The following DDN variants were observed in gnomAD, a reference collection of about 807,000 sequenced individuals.
DDN encodes dendrin.
A neutral mutation model predicts 7.3 loss-of-function variants in DDN; 4 were observed. The observed-to-expected ratio is 0.55, with a 90% CI of 0.27 to 1.25. DDN has a LOEUF of 1.25. Ranked by LOEUF, DDN falls within the 50% of genes most tolerant of loss-of-function variation. The pLI, the probability that DDN is intolerant of heterozygous loss-of-function variation, is 0.12. For synonymous variants in DDN, 425 were observed against 424.3 expected (o/e 1.00, Z -0.02); for missense variants, 933 against 974.7 (o/e 0.96, Z 0.57).
Position 48,996,526 on chromosome 12 carries a change from C to G in DDN, c.*214G>C. 1.3e-6 allele frequency: 1 copy of G among 795,092 alleles called. No individual in the cohort carries two copies. Among genetic ancestry groups the G allele is most frequent in the Non-Finnish European group, 1.9e-6 (1 of 526,436 alleles). 49.3% of individuals were successfully genotyped at this position (795,092 alleles called of 1,614,324 possible). A position where few individuals can be genotyped will look rare whatever the true frequency, so the allele number is the denominator to read the frequency against. On this transcript the variant is annotated 3_prime_UTR_variant, in exon 2 of 2. Coordinates refer to ENST00000421952, the MANE Select transcript of DDN (RefSeq NM_015086.2). ...GCTCACCCTTGTGCCCTGAACATAA[C>G]AGACATTAATTAAATCTGCTCATTC...
rs775140751 is a variant in DDN at position 48,998,386 on chromosome 12, G to A, written c.490C>T (p.Arg164Trp). 4 of 1,494,464 alleles carry A rather than the reference G, an allele frequency of 2.7e-6. No homozygotes were observed. Among genetic ancestry groups the A allele is most frequent in the Admixed American group, 4.6e-5 (2 of 43,630 alleles). 92.6% of individuals were successfully genotyped at this position (1,494,464 alleles called of 1,614,324 possible). ...AQLAGLPAPL[R>W]PERLAPVGRA... ...CCCACAGGCGCCAGGCGCTCCGGCC[G>A]CAAGGGAGCAGGGAGCCCTGCCAGC... Residue 164 changes from arginine to tryptophan, a missense_variant, in exon 2 of 2, where the codon CGG (arginine) becomes TGG (tryptophan). By Grantham distance (101) the Arg-to-Trp change is moderately radical. Transcript: ENST00000421952.
Position 48,998,380 on chromosome 12 carries a change from C to T in DDN, c.496G>A (p.Glu166Lys). Residue 166 changes from glutamate (E) to lysine (K), a missense_variant, in exon 2 of 2, where the codon GAG becomes AAG. Physicochemically the swap from Glu to Lys is moderately conservative, Grantham distance 56. Coordinates refer to ENST00000421952, the MANE Select transcript of DDN (RefSeq NM_015086.2). ...LAGLPAPLRP[E>K]RLAPVGRAPR... ...GCTCGCCCCACAGGCGCCAGGCGCT[C>T]CGGCCGCAAGGGAGCAGGGAGCCCT... is the stretch of plus-strand genomic sequence containing the variant. The T allele has an allele frequency of 6.7e-7, 1 of 1,494,416 alleles. No individual in the cohort carries two copies. Among genetic ancestry groups the T allele is most frequent in the African/African-American group, 1.5e-5 (1 of 68,692 alleles). 92.6% of individuals were successfully genotyped at this position (1,494,416 alleles called of 1,614,324 possible).
chr12:48,997,055 G>A lies in DDN; in HGVS notation c.1821C>T (p.Tyr607=). ...GRGWARTPGP[Y]AGALREAVSR... ...ACACGGCTTCTCGCAGGGCCCCGGC[G>A]TAGGGCCCTGGGGTCCGCGCCCAGC... Residue 607 remains tyrosine (Y), a synonymous_variant, in exon 2 of 2, where the codon TAC becomes TAT. Transcript: ENST00000421952. The A allele has an allele frequency of 1.9e-6, 3 of 1,547,390 alleles. No homozygotes were observed. The highest frequency in any genetic ancestry group is 1.2e-5 in the South Asian group (1 of 81,540).
Position 48,998,306 on chromosome 12 carries a change from C to G in DDN, c.570G>C (p.Ala190=). Residue 190 remains alanine (A), a synonymous_variant, in exon 2 of 2, where the codon GCG becomes GCC. Transcript: ENST00000421952. ...CGGGCCGCCGACCTCCCCAGGGCCC[C>G]GCCCACGCCGACCCTGGGTCGCTCT... ...QPQSDPGSAW[A]GPWGGRRPGP... 1 of 1,583,440 alleles carries G rather than the reference C, an allele frequency of 6.3e-7. No homozygotes were observed. Among genetic ancestry groups the G allele is most frequent in the Non-Finnish European group, 8.6e-7 (1 of 1,168,198 alleles).
intron 1 of DDN, 26 bp downstream of exon 1, chr12:48,999,053 C>T: frequency 6.2e-7 from 1 of 1,613,052 alleles, no homozygotes; most frequent in Non-Finnish European, 8.5e-7. Flanking sequence ...CCACCACTCT[C>T]TTCCCCTCAC....
rs780683147 is a variant in DDN, at chr12:48,996,913, T to C, written c.1963A>G (p.Asn655Asp). Residue 655 changes from asparagine to aspartate, a missense_variant, in exon 2 of 2, where the codon AAT (asparagine) becomes GAT (aspartate). Coordinates refer to ENST00000421952, the MANE Select transcript of DDN (RefSeq NM_015086.2). ...CCAACCTCGGGCAGGGTCCTCTCAT[T>C]CCGCCAGGAGGCGCCCGGGGCTTCT... Reference protein sequence around the residue: ...DTEAPGASWRNERTLPEVGNS... With the variant: ...DTEAPGASWRDERTLPEVGNS... The C allele has an allele frequency of 4.3e-6, 7 of 1,611,428 alleles. No homozygotes were observed. The highest frequency in any genetic ancestry group is 5.1e-6 in the Non-Finnish European group (6 of 1,178,748).
Position 48,996,509 on chromosome 12 carries a change from T to G in DDN, c.*231A>C, listed in dbSNP as rs1179608170. The G allele has an allele frequency of 1.5e-6, 1 of 669,930 alleles. No individual in the cohort carries two copies. Among genetic ancestry groups the G allele is most frequent in the Non-Finnish European group, 2.3e-6 (1 of 426,450 alleles). 41.5% of individuals were successfully genotyped at this position (669,930 alleles called of 1,614,324 possible). ...ATCAGCCCCTGCGAAGAGCTCACCCTTGTGCCCTGAACATAACAGACATTA... is the reference window on the plus strand; with the variant it reads ...ATCAGCCCCTGCGAAGAGCTCACCCGTGTGCCCTGAACATAACAGACATTA... On this transcript the variant is annotated 3_prime_UTR_variant, in exon 2 of 2. Transcript: ENST00000421952.
rs1264844184 is a variant in DDN at position 48,998,081 on chromosome 12, G to C, written c.795C>G (p.Asp265Glu). The change falls in exon 2 of 2, where the codon GAC (aspartate) becomes GAG (glutamate). Residue 265 changes from aspartate (D) to glutamate (E), a missense_variant. Transcript: ENST00000421952. ...CCAGCCTCTTCTTTGTGCGCCCTCC[G>C]TCTGTCCTGGCTGGAGTCGCAGCTG... ...SAPAATPART[D>E]GGRTKKRLDP... The C allele has an allele frequency of 4.3e-6, 7 of 1,614,006 alleles. No individual in the cohort carries two copies. Among genetic ancestry groups the C allele is most frequent in the East Asian group, 4.5e-5 (2 of 44,876 alleles).
chr12:48,998,531 C>G lies in DDN; in HGVS notation c.345G>C (p.Ala115=). Residue 115 remains alanine, a synonymous_variant, in exon 2 of 2, where the codon GCG becomes GCC. Coordinates refer to ENST00000421952, the MANE Select transcript of DDN (RefSeq NM_015086.2). ...CCTTGGCCTCCCGCTCCTGCGACGC[C>G]GCTTTCCTTTTCTCTTGCTCCCGAG... ...VRAREQEKRK[A]ASQEREAKET... is the part of the protein sequence containing the mutation. 6.3e-7 allele frequency: 1 copy of G among 1,594,908 alleles called. No individual in the cohort carries two copies. Among genetic ancestry groups the G allele is most frequent in the East Asian group, 2.3e-5 (1 of 44,256 alleles).
Position 48,997,647 on chromosome 12 carries a change from G to C in DDN, c.1229C>G (p.Thr410Ser). The C allele has an allele frequency of 6.5e-7, 1 of 1,548,546 alleles. No homozygotes were observed. Among genetic ancestry groups the C allele is most frequent in the South Asian group, 1.2e-5 (1 of 81,490 alleles). The change falls in exon 2 of 2, where the codon ACC becomes AGC. Residue 410 changes from threonine (T) to serine (S), a missense_variant. Physicochemically the swap from Thr to Ser is moderately conservative, Grantham distance 58. Coordinates refer to ENST00000421952, the MANE Select transcript of DDN (RefSeq NM_015086.2). Reference sequence around the variant, plus strand: ...AAGACCCAGAGATTCTCTCCATCCGGTGCCTCCGGGAGCCCAGGGTCTGGG... The same window carrying C: ...AAGACCCAGAGATTCTCTCCATCCGCTGCCTCCGGGAGCCCAGGGTCTGGG... ...TLPRPWAPGG[T>S]GWRESLGLGE...
At position 48,996,971 on chromosome 12, in the gene DDN, G is replaced by A. The variant is rs200132328; in HGVS notation, c.1905C>T (p.Ser635=). 4.2e-5 allele frequency: 66 copies of A among 1,574,458 alleles called. No homozygotes were observed. The East Asian group carries it at 5.6e-4, about 13-fold the overall frequency. Reference sequence around the variant, plus strand: ...TTCCATCAGAGGAGCCGCTATGGACGCTGAGCTCCTCAGCTTCGTCCGTGT... The same window carrying A: ...TTCCATCAGAGGAGCCGCTATGGACACTGAGCTCCTCAGCTTCGTCCGTGT... The part of the protein sequence containing the change: ...DSDTDEAEEL[S]VHSGSSDGSD... Residue 635 remains serine (S), a synonymous_variant, in exon 2 of 2, where the codon AGC becomes AGT. Coordinates refer to ENST00000421952, the MANE Select transcript of DDN (RefSeq NM_015086.2).
rs1307228643 is a variant in DDN at position 48,997,295 on chromosome 12, G to T, written c.1581C>A (p.Arg527=). 1 of 1,608,704 alleles carries T rather than the reference G, an allele frequency of 6.2e-7. No homozygotes were observed. The highest frequency in any genetic ancestry group is 1.1e-5 in the South Asian group (1 of 90,758). Residue 527 remains arginine, a synonymous_variant, in exon 2 of 2, where the codon CGC becomes CGA. Coordinates refer to ENST00000421952, the MANE Select transcript of DDN (RefSeq NM_015086.2). ...GCCTCCCGCCCTCAGCTTCGCCCCCGCGGCCCCCGCCGGGCTGGTGTAAAA... is the reference window on the plus strand; with the variant it reads ...GCCTCCCGCCCTCAGCTTCGCCCCCTCGGCCCCCGCCGGGCTGGTGTAAAA... ...SRLLHQPGGG[R]GGEAEGGRPG...
Position 48,996,502 on chromosome 12 carries a change from C to G in DDN, c.*238G>C. The G allele has an allele frequency of 1.6e-6, 1 of 615,592 alleles. No homozygotes were observed. Among genetic ancestry groups the G allele is most frequent in the South Asian group, 2.4e-5 (1 of 42,314 alleles). The allele number at this position is 615,592 out of a possible 1,614,324, so 38.1% of individuals were successfully genotyped here. A position where few individuals can be genotyped will look rare whatever the true frequency, so the allele number is the denominator to read the frequency against. ...CCAGTGCATCAGCCCCTGCGAAGAG[C>G]TCACCCTTGTGCCCTGAACATAACA... On this transcript the variant is annotated 3_prime_UTR_variant, in exon 2 of 2. Coordinates refer to ENST00000421952, the MANE Select transcript of DDN (RefSeq NM_015086.2).
rs910536643 is a variant in DDN at position 48,997,565 on chromosome 12, G to A, written c.1311C>T (p.His437=). 7 of 1,597,912 alleles carry A rather than the reference G, an allele frequency of 4.4e-6. No homozygotes were observed. Among genetic ancestry groups the A allele is most frequent in the Non-Finnish European group, 6.0e-6 (7 of 1,169,508 alleles). ...LEGWKATRRA[H]TLPRSSQGLS... is the part of the protein sequence containing the mutation. ...GGCCCTGGGAACTGCGGGGCAAGGT[G>A]TGGGCACGGCGGGTCGCCTTCCAAC... Residue 437 remains histidine, a synonymous_variant, in exon 2 of 2, where the codon CAC becomes CAT. Coordinates refer to ENST00000421952, the MANE Select transcript of DDN (RefSeq NM_015086.2).
intron 1 of DDN, 74 bp downstream of exon 1, chr12:48,999,005 C>T: frequency 1.3e-6 from 2 of 1,518,252 alleles, no homozygotes; most frequent in Non-Finnish European, 1.8e-6. Flanking sequence ...GCAGTGCTCG[C>T]TGGTGCCTGC....
Position 48,995,747 on chromosome 12 carries a change from G to C in DDN, c.*993C>G, listed in dbSNP as rs999710433. The C allele has an allele frequency of 6.6e-6, 1 of 152,310 alleles. No individual in the cohort carries two copies. The highest frequency in any genetic ancestry group is 2.4e-5 in the African/African-American group (1 of 41,458). The allele number at this position is 152,310 out of a possible 1,614,324, so 9.4% of individuals were successfully genotyped here. On this transcript the variant is annotated 3_prime_UTR_variant, in exon 2 of 2. Coordinates refer to ENST00000421952, the MANE Select transcript of DDN (RefSeq NM_015086.2). The stretch of plus-strand genomic sequence containing the variant: ...CGATACCACCTGGGAGGGAGATCGT[G>C]GCCACGCCTCAGAGCATCACTAAGG...
Position 48,997,891 on chromosome 12 carries a change from T to C in DDN, c.985A>G (p.Ser329Gly), listed in dbSNP as rs1007788670. Reference sequence around the variant, plus strand: ...GCTTTGGCTTGGGGATGGCTGTCGCTACCACTGTTCAGGTCAGCAGCAGCC... The same window carrying C: ...GCTTTGGCTTGGGGATGGCTGTCGCCACCACTGTTCAGGTCAGCAGCAGCC... ...GLAAADLNSG[S>G]DSHPQAKATG... The change falls in exon 2 of 2, where the codon AGC becomes GGC. Residue 329 changes from serine to glycine, a missense_variant. Ser to Gly is a moderately conservative substitution (Grantham distance 56, BLOSUM62 0). Transcript: ENST00000421952. 1.3e-5 allele frequency: 21 copies of C among 1,612,724 alleles called. No individual in the cohort carries two copies. The highest frequency in any genetic ancestry group is 2.2e-5 in the East Asian group (1 of 44,850).
rs1435272613 is a variant in DDN at position 48,997,625 on chromosome 12, A to C, written c.1251T>G (p.Gly417=). The change falls in exon 2 of 2, where the codon GGT becomes GGG. Residue 417 remains glycine (G), a synonymous_variant. Coordinates refer to ENST00000421952, the MANE Select transcript of DDN (RefSeq NM_015086.2). ...TCTCCGGTCCTGCCCCCTCTCCAAG[A>C]CCCAGAGATTCTCTCCATCCGGTGC... is the stretch of plus-strand genomic sequence containing the variant. The part of the protein sequence containing the change: ...PGGTGWRESL[G]LGEGAGPETL... The C allele has an allele frequency of 3.9e-6, 6 of 1,550,910 alleles. No individual in the cohort carries two copies. The highest frequency in any genetic ancestry group is 5.2e-6 in the Non-Finnish European group (6 of 1,147,778).
At position 48,998,230 on chromosome 12, in the gene DDN, C is replaced by A. The variant is rs1423488664; in HGVS notation, c.646G>T (p.Ala216Ser). The A allele has an allele frequency of 1.9e-6, 3 of 1,612,380 alleles. No homozygotes were observed. Among genetic ancestry groups the A allele is most frequent in the African/African-American group, 2.7e-5 (2 of 75,044 alleles). The change falls in exon 2 of 2, where the codon GCC becomes TCC. Residue 216 changes from alanine to serine, a missense_variant. Ala to Ser is a moderately conservative substitution (Grantham distance 99). Coordinates refer to ENST00000421952, the MANE Select transcript of DDN (RefSeq NM_015086.2). ...GGCCGGTCCCAGCGGCGTCGTGGGG[C>A]GGTCCCGGCAGAACCTCTCAGCAGC... ...HLLLRGSAGT[A>S]PRRRWDRPPP...
Sources: allele counts gnomAD v4.1 joint callset, GRCh38; gene constraint gnomAD v4.1.1; transcripts MANE v1.5; gene names NCBI Gene and HGNC (gene_info 2026-07-23, HGNC 2026-07-21).